Variants in PLCH1 observed in about 807,000 individuals in gnomAD.
PLCH1 encodes phospholipase C eta 1.
A neutral mutation model predicts 126.7 loss-of-function variants in PLCH1; 60 were observed. The observed-to-expected ratio is 0.47, with a 90% confidence interval of 0.38 to 0.59. The LOEUF (loss-of-function observed/expected upper bound fraction) is 0.59. Ranked by LOEUF, PLCH1 falls within the 20% of genes least tolerant of loss-of-function variation. PLCH1 has a pLI of 0.00. For missense variants in PLCH1, 1,723 were observed against 2,040.0 expected, an observed-to-expected ratio of 0.84 and a Z score of 2.99; for synonymous variants, 719 against 734.9, an observed-to-expected ratio of 0.98 and a Z score of 0.35.
chr3:155,567,378 T>C (rs1728664495), intron 7 of PLCH1, among the ~76,000 whole-genome samples: 1 of 152,114 alleles, frequency 6.6e-6, no homozygotes, highest in South Asian at 2.1e-4. Context: ...GCTAATGATC[T>C]AAGATTTTAA....
intron 2 of PLCH1, among the ~76,000 whole-genome samples, chr3:155,663,895 A>G (rs948941460): frequency 3.9e-5 from 6 of 152,170 alleles, no homozygotes; most frequent in Non-Finnish European, 5.9e-5. Context: ...TATGTCTTCA[A>G]ACTATTATAG....
At chr3:155,703,536 A>C (rs1746428248) in intron 2 of PLCH1, among the ~76,000 whole-genome samples, 1 of 152,238 alleles carries the variant, frequency 6.6e-6, no homozygotes, top group Non-Finnish European at 1.5e-5. Context: ...GTTTGCCATG[A>C]AAATGACTAA....
intron 6 of PLCH1, among the ~76,000 whole-genome samples, chr3:155,570,479 C>CA (rs528198141): frequency 6.6e-6 from 1 of 152,256 alleles, no homozygotes; most frequent in South Asian, 2.1e-4. Context: ...TTTCTACAGG[C>CA]AACTGGTGCT....
chr3:155,553,538 A>T (rs1435920751), intron 9 of PLCH1, among the ~76,000 whole-genome samples: 1 of 152,224 alleles, frequency 6.6e-6, no homozygotes, highest in Non-Finnish European at 1.5e-5. Flanking sequence ...ATGAGGAAAT[A>T]GATTAACAGA....
intron 6 of PLCH1, among the ~76,000 whole-genome samples, chr3:155,573,226 T>C (rs1295598275): frequency 6.6e-6 from 1 of 152,218 alleles, no homozygotes; most frequent in Non-Finnish European, 1.5e-5. Context: ...CCTCAAACAT[T>C]GGTAAGCCTT....
chr3:155,452,689 GA>G (rs1712339565), intron 21 of PLCH1, among the ~76,000 whole-genome samples: 1 of 152,052 alleles, frequency 6.6e-6, no homozygotes, highest in African/African-American at 2.4e-5. Context: ...ACATTTTGGG[GA>G]GTCTAATAAA....
chr3:155,486,067 G>A, intron 21 of PLCH1: 1 of 855,986 alleles, frequency 1.2e-6, no homozygotes, highest in Non-Finnish European at 1.8e-6. Flanking sequence ...GGAAGATGGA[G>A]TGATATGAAA....
chr3:155,661,981 C>T (rs1742209141), intron 2 of PLCH1, among the ~76,000 whole-genome samples: 1 of 152,172 alleles, frequency 6.6e-6, no homozygotes, highest in East Asian at 1.9e-4. Flanking sequence ...TCTGATAACA[C>T]TCTAGAAACA....
intron 10 of PLCH1, among the ~76,000 whole-genome samples, chr3:155,545,875 A>G (rs1196193970): frequency 3.3e-5 from 5 of 152,236 alleles, no homozygotes; most frequent in African/African-American, 1.2e-4. Flanking sequence ...GTAGGTATTG[A>G]TGGGACATAT....
intron 8 of PLCH1, among the ~76,000 whole-genome samples, chr3:155,556,281 A>G (rs961337105): frequency 2.6e-5 from 4 of 152,284 alleles, no homozygotes; most frequent in Admixed American, 6.5e-5. Context: ...TGAACCCGGG[A>G]GGTGGAGGAT....
At chr3:155,658,067 AC>A in intron 2 of PLCH1, 1 of 214,566 alleles carries the variant, frequency 4.7e-6, no homozygotes, top group Non-Finnish European at 1.0e-5. Context: ...GTTGGTGGTG[AC>A]AAGGATGGTG....
chr3:155,514,632 G>A, intron 12 of PLCH1, 91 bp downstream of exon 12: 1 of 804,570 alleles, frequency 1.2e-6, no homozygotes, highest in Non-Finnish European at 1.8e-6. Context: ...AATAGAAGAA[G>A]TTGGAGGAGC....
chr3:155,503,554 G>C, intron 13 of PLCH1, among the ~76,000 whole-genome samples: 1 of 109,396 alleles, frequency 9.1e-6, no homozygotes, highest in East Asian at 2.8e-4. Context: ...TTTTTTTTCT[G>C]TAGATGGAGT....
chr3:155,718,409 T>C (rs1490945780), intron 1 of PLCH1, among the ~76,000 whole-genome samples: 1 of 152,208 alleles, frequency 6.6e-6, no homozygotes, highest in Non-Finnish European at 1.5e-5. Context: ...CATATTGCTA[T>C]AGCAATACTG....
chr3:155,619,498 T>TTAAAAAAAA (rs200522384), intron 2 of PLCH1, among the ~76,000 whole-genome samples: 2 of 133,540 alleles, frequency 1.5e-5, no homozygotes, highest in East Asian at 2.1e-4. Context: ...ACAGAAAAAG[T>TTAAAAAAAA]AAAAAAAAAA....
At chr3:155,644,702 C>A (rs2108869775) in intron 2 of PLCH1, among the ~76,000 whole-genome samples, 1 of 152,092 alleles carries the variant, frequency 6.6e-6, no homozygotes, top group African/African-American at 2.4e-5. Flanking sequence ...TAAGAATTTC[C>A]AAGAAAGGAA....
At chr3:155,597,775 A>G (rs1396671250) in intron 2 of PLCH1, among the ~76,000 whole-genome samples, 1 of 152,230 alleles carries the variant, frequency 6.6e-6, no homozygotes, top group Non-Finnish European at 1.5e-5. Flanking sequence ...AAAGAAATCA[A>G]GGAGGAACTG....
chr3:155,615,428 T>C (rs144838041), intron 2 of PLCH1, among the ~76,000 whole-genome samples: 2 of 152,286 alleles, frequency 1.3e-5, no homozygotes, highest in Non-Finnish European at 2.9e-5. Context: ...GCAATCCCAC[T>C]ACTGGATGTC....
intron 21 of PLCH1, among the ~76,000 whole-genome samples, chr3:155,473,326 T>C (rs1417891401): frequency 3.3e-5 from 5 of 152,286 alleles, no homozygotes; most frequent in East Asian, 1.9e-4. Context: ...CCATTCACAA[T>C]TGCTTCAAAG....
Sources: gnomAD v4.1 joint callset for allele counts (sites outside exome capture counted in the v4.1 genomes callset) on GRCh38, gnomAD v4.1.1 for gene constraint, MANE v1.5 for transcripts, NCBI Gene and HGNC (gene_info 2026-07-23, HGNC 2026-07-21) for gene names.